Variants in LIN9 observed in about 807,000 individuals in gnomAD.
LIN9 encodes lin-9 DREAM MuvB core complex component.
A neutral mutation model predicts 78.0 loss-of-function variants in LIN9; 18 were observed. That is an observed-to-expected ratio of 0.23 (90% CI 0.16 to 0.34). The LOEUF is 0.34. Ranked by LOEUF, LIN9 falls within the 10% of genes least tolerant of loss-of-function variation. The pLI, the probability that LIN9 is intolerant of heterozygous loss-of-function variation, is 1.00. For synonymous variants in LIN9, 192 were observed against 215.2 expected, an observed-to-expected ratio of 0.89 and a Z score of 0.94; for missense variants, 451 against 644.1, an observed-to-expected ratio of 0.70 and a Z score of 3.25.
At chr1:226,246,855 T>C (rs1658514919) in intron 11 of LIN9, among the ~76,000 whole-genome samples, 1 of 151,604 alleles carries the variant, frequency 6.6e-6, no homozygotes, top group Non-Finnish European at 1.5e-5. Context: ...TTTATCTCAT[T>C]GGGGTTGATA....
chr1:226,241,288 G>A (rs1420510039), intron 11 of LIN9, among the ~76,000 whole-genome samples: 1 of 152,078 alleles, frequency 6.6e-6, no homozygotes, highest in Admixed American at 6.6e-5. Context: ...TTGGGAATTG[G>A]GGGTTACTGA....
chr1:226,289,834 C>G (rs1041146878), intron 4 of LIN9, among the ~76,000 whole-genome samples: 4 of 12,078 alleles, frequency 3.3e-4, no homozygotes, highest in Non-Finnish European at 5.8e-4. Flanking sequence ...AGTAGTCCTC[C>G]GGGGGGGGGG....
chr1:226,309,276 G>A (rs767305707), upstream of LIN9: 13 of 1,128,794 alleles, frequency 1.2e-5, no homozygotes, highest in South Asian at 2.2e-4. Context: ...GCCGCGGCTG[G>A]CTGAGGCGGG....
rs572564416 is a variant in LIN9, at chr1:226,266,110, T to C, written c.936+103A>G. 3.5e-4 allele frequency: 206 copies of C among 588,828 alleles called. 2 individuals carry two copies. In the East Asian group the frequency reaches 7.1e-3, roughly 20 times the overall value. The allele number at this position is 588,828 out of a possible 1,614,324, so 36.5% of individuals were successfully genotyped here. ...ATTTAATATTTTCAATTCAAAATAGTGTGCATACTTTGAAGTTGCTGTAAT... is the reference window on the plus strand; with the variant it reads ...ATTTAATATTTTCAATTCAAAATAGCGTGCATACTTTGAAGTTGCTGTAAT... On this transcript the variant is annotated intron_variant, in intron 9 of 14. Transcript: ENST00000681046.
At chr1:226,303,896 G>A (rs1022740716) in intron 1 of LIN9, among the ~76,000 whole-genome samples, 2 of 152,214 alleles carry the variant, frequency 1.3e-5, no homozygotes, top group African/African-American at 4.8e-5. Flanking sequence ...GTGAGCCACC[G>A]CAACCGGTCC....
intron 1 of LIN9, among the ~76,000 whole-genome samples, chr1:226,304,060 T>C (rs1662740008): frequency 6.6e-6 from 1 of 152,214 alleles, no homozygotes; most frequent in African/African-American, 2.4e-5. Context: ...TCTTCATGTG[T>C]AAAATGAGGA....
chr1:226,258,440 GC>G (rs1427209834), intron 10 of LIN9, among the ~76,000 whole-genome samples: 1 of 149,902 alleles, frequency 6.7e-6, no homozygotes, highest in Non-Finnish European at 1.5e-5. Context: ...GGCAGAGGCT[GC>G]CTGGGTGACA....
At chr1:226,270,823 T>TC (rs1184723391) in intron 7 of LIN9, among the ~76,000 whole-genome samples, 6 of 52,174 alleles carry the variant, frequency 1.2e-4, no homozygotes, top group South Asian at 7.3e-4. Flanking sequence ...AGACTCTGTC[T>TC]CAAAAAAAAA....
At chr1:226,287,949 T>C in intron 4 of LIN9, 152 bp from the exon 5 acceptor site, 1 of 592,868 alleles carries the variant, frequency 1.7e-6, no homozygotes. Context: ...TTTGTTGCTG[T>C]TTTAAACACT....
intron 7 of LIN9, among the ~76,000 whole-genome samples, chr1:226,273,468 C>T (rs977142397): frequency 2.6e-5 from 4 of 152,084 alleles, no homozygotes; most frequent in African/African-American, 9.7e-5. Context: ...TGGTCTCAAA[C>T]TCCTGGGCTC....
chr1:226,297,027 CAG>C (rs1202414873), intron 3 of LIN9, among the ~76,000 whole-genome samples: 1 of 152,090 alleles, frequency 6.6e-6, no homozygotes, highest in African/African-American at 2.4e-5. Flanking sequence ...TAAACCCACT[CAG>C]AGTCTTGATA....
intron 7 of LIN9, among the ~76,000 whole-genome samples, chr1:226,277,022 A>G (rs1660707953): frequency 6.6e-6 from 1 of 152,072 alleles, no homozygotes; most frequent in African/African-American, 2.4e-5. Flanking sequence ...CAAACAATGT[A>G]GAAGGAAAAT....
chr1:226,247,124 G>C (rs1658533361), intron 11 of LIN9, among the ~76,000 whole-genome samples: 1 of 151,790 alleles, frequency 6.6e-6, no homozygotes, highest in Non-Finnish European at 1.5e-5. Context: ...TTTCTAATCT[G>C]CTGTGGTTGT....
intron 6 of LIN9, among the ~76,000 whole-genome samples, chr1:226,279,566 C>A (rs576800443): frequency 5.0e-5 from 7 of 141,356 alleles, no homozygotes; most frequent in African/African-American, 1.9e-4. Context: ...AGTTTGAGAC[C>A]AGCCTGGGCA....
At chr1:226,296,073 G>C (rs1558204739) in intron 3 of LIN9, 127 bp from the exon 4 acceptor site, 4 of 592,716 alleles carry the variant, frequency 6.7e-6, no homozygotes, top group Non-Finnish European at 1.2e-5. Context: ...ATAAAGTATG[G>C]GCAACACAAA....
At chr1:226,293,170 G>A (rs1435307320) in intron 4 of LIN9, among the ~76,000 whole-genome samples, 1 of 152,180 alleles carries the variant, frequency 6.6e-6, no homozygotes, top group African/African-American at 2.4e-5. Flanking sequence ...AAGCACTAGA[G>A]ATTCTACAAC....
In LIN9 at chr1:226,243,379, A is replaced by C. The variant is rs144268034; in HGVS notation, c.1120-4283T>G. Among the ~76,000 whole-genome samples, 10 of 152,310 alleles carry C rather than the reference A, an allele frequency of 6.6e-5. No homozygotes were observed. The East Asian group carries it at 1.9e-3, about 29-fold the overall frequency. On this transcript the variant is annotated intron_variant, in intron 11 of 14. Transcript: ENST00000681046. The stretch of plus-strand genomic sequence containing the variant: ...TATACAGTGAAAAGCAGAATGTTAC[A>C]TAGTATAAAATTTATTTAAAAATGT...
At chr1:226,297,958 T>C (rs923610141) in intron 2 of LIN9, 145 bp from the exon 3 acceptor site, 1 of 386,834 alleles carries the variant, frequency 2.6e-6, no homozygotes, top group Admixed American at 4.3e-5. Flanking sequence ...TAGATTATTA[T>C]AAATGAAAAA....
intron 11 of LIN9, among the ~76,000 whole-genome samples, chr1:226,240,284 G>T (rs150537485): frequency 1.4e-3 from 207 of 152,190 alleles, no homozygotes; most frequent in African/African-American, 4.7e-3. Flanking sequence ...TTGCTATGTT[G>T]CCCAGGCTAG....
Sources: gnomAD v4.1 joint callset for allele counts (sites outside exome capture counted in the v4.1 genomes callset) on GRCh38, gnomAD v4.1.1 for gene constraint, MANE v1.5 for transcripts, NCBI Gene and HGNC (gene_info 2026-07-23, HGNC 2026-07-21) for gene names.